MYO1C: variants seen among roughly 807,000 people sequenced by gnomAD.
MYO1C encodes the protein unconventional myosin-Ic.
MYO1C carries 104 observed loss-of-function variants against 150.8 expected under a neutral mutation model. The ratio of observed to expected loss-of-function variants is 0.69; its 90% confidence interval spans 0.59 to 0.81. The LOEUF (loss-of-function observed/expected upper bound fraction) is 0.81. Among genes scored for constraint, MYO1C ranks in the 30% least tolerant of loss-of-function variants. MYO1C has a pLI of 0.00. For missense variants in MYO1C, 1,504 were observed against 1,435.0 expected, an observed-to-expected ratio of 1.05 and a Z score of -0.78; for synonymous variants, 663 against 579.9, an observed-to-expected ratio of 1.14 and a Z score of -2.06.
intron 17 of MYO1C, among the ~76,000 whole-genome samples, chr17:1,472,543 C>T (rs2074326213): frequency 6.6e-6 from 1 of 152,210 alleles, no homozygotes; most frequent in Admixed American, 6.5e-5. Context: ...TTCAGGGCTG[C>T]GTTCCTAAAC....
intron 5 of MYO1C, among the ~76,000 whole-genome samples, 160 bp downstream of exon 5, chr17:1,482,318 T>TCCCTGTTTATTGTTTATCA (rs1462781842): frequency 6.6e-6 from 1 of 152,156 alleles, no homozygotes; most frequent in East Asian, 1.9e-4. Flanking sequence ...GGCCTCAATT[T>TCCCTGTTTATTGTTTATCA]CCCTGTTTAT....
intron 14 of MYO1C, among the ~76,000 whole-genome samples, chr17:1,476,663 A>T (rs2074407561): frequency 6.6e-6 from 1 of 152,170 alleles, no homozygotes; most frequent in Non-Finnish European, 1.5e-5. Flanking sequence ...AAGCGACGAC[A>T]TGCACAGCAT....
chr17:1,485,283 AC>A, intron 1 of MYO1C: 1 of 1,142,622 alleles, frequency 8.8e-7, no homozygotes, highest in Non-Finnish European at 1.1e-6. Context: ...TCAGAGAAGA[AC>A]AAGGTGGTGG....
intron 24 of MYO1C, 49 bp from the exon 25 acceptor site, chr17:1,469,663 C>T (rs985445946): frequency 2.8e-6 from 4 of 1,444,906 alleles, no homozygotes; most frequent in East Asian, 2.3e-5. Flanking sequence ...GGGCCCTTCC[C>T]TCTGAAGACA....
chr17:1,478,137 C>T lies in MYO1C; in HGVS notation c.1351G>A (p.Glu451Lys), dbSNP rs765250955. 2.9e-5 allele frequency: 46 copies of T among 1,613,962 alleles called. No individual in the cohort carries two copies. Among genetic ancestry groups the T allele is most frequent in the Middle Eastern group, 1.6e-4 (1 of 6,084 alleles). ...TCCTGCTCCGACTTGAGCGTGAGCT[C>T]GATGAAGAGCTGCTGCAGCTTCTCG... ...CNEKLQQLFI[E>K]LTLKSEQEEY... The change falls in exon 12 of 32, where the codon GAG becomes AAG. Residue 451 changes from glutamate to lysine, a missense_variant. Coordinates refer to ENST00000648651, the MANE Select transcript of MYO1C (RefSeq NM_001080779.2). The surrounding 1 kb of genome is among the most constrained non-coding windows in gnomAD (Gnocchi z 6.3).
intron 14 of MYO1C, among the ~76,000 whole-genome samples, chr17:1,476,150 G>A (rs1363061602): frequency 2.0e-5 from 3 of 151,730 alleles, no homozygotes; most frequent in East Asian, 1.9e-4. Context: ...CCCTAAACCC[G>A]AATAGATTCA....
Position 1,479,414 on chromosome 17 carries a change from C to A in MYO1C, c.1092+17G>T. 1 of 1,233,768 alleles carries A rather than the reference C, an allele frequency of 8.1e-7. No homozygotes were observed. Among genetic ancestry groups the A allele is most frequent in the Non-Finnish European group, 1.2e-6 (1 of 864,600 alleles). 76.4% of individuals were successfully genotyped at this position (1,233,768 alleles called of 1,614,324 possible). The stretch of plus-strand genomic sequence containing the variant: ...ACAGCTGCCCCTCCACACCCGAGGG[C>A]AAGGGCCCGGCCTCACCTCCTCCCC... On this transcript the variant is annotated intron_variant, in intron 9 of 31. Coordinates refer to ENST00000648651, the MANE Select transcript of MYO1C (RefSeq NM_001080779.2). The surrounding 1 kb of genome is among the most constrained non-coding windows in gnomAD (Gnocchi z 4.2).
intron 5 of MYO1C, 81 bp downstream of exon 5, chr17:1,482,397 T>C (rs2074541160): frequency 8.1e-7 from 1 of 1,242,088 alleles, no homozygotes; most frequent in Non-Finnish European, 1.2e-6. Context: ...GCACCTGGAA[T>C]AGTCCCTGGT....
At chr17:1,484,038 C>T (rs2074596758) in intron 2 of MYO1C, 110 bp downstream of exon 2, 10 of 1,302,874 alleles carry the variant, frequency 7.7e-6, no homozygotes, top group African/African-American at 1.5e-5. Context: ...GTGAAACTGT[C>T]TCAAAAAAAA....
At position 1,470,274 on chromosome 17, in the gene MYO1C, C is replaced by G. The variant is rs545596480; in HGVS notation, c.2427G>C (p.Leu809=). The G allele has an allele frequency of 6.3e-7, 1 of 1,597,506 alleles. No homozygotes were observed. The highest frequency in any genetic ancestry group is 8.5e-7 in the Non-Finnish European group (1 of 1,173,838). ...APRCPENAFF[L]DHVRTSFLLN... ...GCAAAAAAGAGGTGCGCACATGGTC[C>G]AGGAAGAAGGCGTTCTCGGGGCAGC... The change falls in exon 24 of 32, where the codon CTG becomes CTC. Residue 809 remains leucine, a synonymous_variant. Coordinates refer to ENST00000648651, the MANE Select transcript of MYO1C (RefSeq NM_001080779.2).
At chr17:1,483,174 G>A in intron 3 of MYO1C, 115 bp from the exon 4 acceptor site, 7 of 1,059,426 alleles carry the variant, frequency 6.6e-6, no homozygotes, top group Non-Finnish European at 9.5e-6. Flanking sequence ...CACCCTTGAG[G>A]ATGGGGACTG....
chr17:1,470,967 C>A, intron 21 of MYO1C, 104 bp downstream of exon 21: 1 of 1,285,146 alleles, frequency 7.8e-7, no homozygotes, highest in Non-Finnish European at 1.1e-6. Context: ...GGGGCTGGAG[C>A]TGATAGGGAG....
chr17:1,466,497 A>C (rs896414187), intron 31 of MYO1C, among the ~76,000 whole-genome samples: 9 of 151,810 alleles, frequency 5.9e-5, no homozygotes, highest in Non-Finnish European at 1.2e-4. Flanking sequence ...CACTCGGCTA[A>C]TTTTGTATTT....
intron 1 of MYO1C, 183 bp from the exon 2 acceptor site, chr17:1,484,486 C>T (rs957651275): frequency 5.4e-5 from 38 of 699,468 alleles, no homozygotes; most frequent in Admixed American, 1.9e-4. Context: ...GGGCCGGGTG[C>T]GGAAAGCCGG....
At chr17:1,484,465 C>T in intron 1 of MYO1C, 162 bp from the exon 2 acceptor site, 2 of 823,610 alleles carry the variant, frequency 2.4e-6, no homozygotes, top group Non-Finnish European at 3.9e-6. Context: ...TGCTGAGGGC[C>T]TGGGTGTGGT....
rs369084498 is a variant in MYO1C at position 1,468,324 on chromosome 17, C to T, written c.2705-16G>A. ...TCATCTGTACCTGCAACTCAGATGG[C>T]GGGGAGGGAAGTCAGTGGAGGCAAT... On this transcript the variant is annotated splice_polypyrimidine_tract_variant and intron_variant, in intron 26 of 31. Transcript: ENST00000648651. 19 of 1,613,716 alleles carry T rather than the reference C, an allele frequency of 1.2e-5. No individual in the cohort carries two copies. The highest frequency in any genetic ancestry group is 5.3e-5 in the African/African-American group (4 of 74,838).
rs2074143770 is a variant in MYO1C, at chr17:1,465,090, G to A, written c.*636C>T. 6.6e-6 allele frequency: 1 copy of A among 152,540 alleles called. No individual in the cohort carries two copies. Among genetic ancestry groups the A allele is most frequent in the African/African-American group, 2.4e-5 (1 of 41,434 alleles). 9.4% of individuals were successfully genotyped at this position (152,540 alleles called of 1,614,324 possible). A position where few individuals can be genotyped will look rare whatever the true frequency, so the allele number is the denominator to read the frequency against. ...GCCTCCCAAAGTGCTGGGGTTACAGGCGTGAGCCACCATGCCCAGCCTAAA... is the reference window on the plus strand; with the variant it reads ...GCCTCCCAAAGTGCTGGGGTTACAGACGTGAGCCACCATGCCCAGCCTAAA... On this transcript the variant is annotated 3_prime_UTR_variant, in exon 32 of 32. Coordinates refer to ENST00000648651, the MANE Select transcript of MYO1C (RefSeq NM_001080779.2).
chr17:1,490,390 C>G lies in MYO1C; in HGVS notation c.75+2023G>C, dbSNP rs545385382. ...GCACACACCTGTAATCCCAGCTACT[C>G]AGGAGGCTGAGGCAGGAGAATAGCT... On this transcript the variant is annotated intron_variant, in intron 1 of 31. Coordinates refer to ENST00000648651, the MANE Select transcript of MYO1C (RefSeq NM_001080779.2). Among the ~76,000 whole-genome samples the G allele has an allele frequency of 5.3e-5, 8 of 152,142 alleles. No homozygotes were observed. The South Asian group carries it at 1.7e-3, about 32-fold the overall frequency.
In MYO1C at chr17:1,472,371, C is replaced by A. The variant is rs2074322889; in HGVS notation, c.1798-143G>T. 2.5e-5 allele frequency: 18 copies of A among 709,076 alleles called. No homozygotes were observed. The South Asian group carries it at 3.1e-4, about 12-fold the overall frequency. 43.9% of individuals were successfully genotyped at this position (709,076 alleles called of 1,614,324 possible). ...GTCCTTACTCCTCCCACCACAGCTT[C>A]CTCGCAGCAGAGGAGGGGGCCAGAC... On this transcript the variant is annotated intron_variant, in intron 17 of 31. Coordinates refer to ENST00000648651, the MANE Select transcript of MYO1C (RefSeq NM_001080779.2).
Sources: allele counts gnomAD v4.1 joint callset (sites outside exome capture counted in the v4.1 genomes callset), GRCh38; gene constraint gnomAD v4.1.1; non-coding constraint Gnocchi (gnomAD v3.1); transcripts MANE v1.5; gene names NCBI Gene and HGNC (gene_info 2026-07-23, HGNC 2026-07-21).